The following PATJ variants were observed in gnomAD, a reference collection of about 807,000 sequenced individuals.
PATJ encodes inaD-like protein.
In PATJ, 190 loss-of-function variants were observed where a neutral mutation model predicts 224.9. The observed-to-expected ratio is 0.84, with a 90% CI of 0.75 to 0.95. The LOEUF (loss-of-function observed/expected upper bound fraction) is 0.95, where lower values mean the gene tolerates loss of function less well. PATJ is among the 40% of genes least tolerant of loss of function. PATJ has a pLI of 0.00. For missense variants in PATJ, 2,121 were observed against 2,270.3 expected (o/e 0.93, Z 1.34); for synonymous variants, 769 against 820.3 (o/e 0.94, Z 1.07).
rs1242056680 is a variant in PATJ, at chr1:61,827,547, A to G, written c.1944A>G (p.Glu648=). 2.5e-6 allele frequency: 4 copies of G among 1,613,978 alleles called. No homozygotes were observed. The Admixed American group carries it at 5.0e-5, about 20-fold the overall frequency. ...TTGATGATGAAGCTTCTGTAGATGA[A>G]CCAAGGCGCACTGAAACCTCTCTTC... The part of the protein sequence containing the change: ...RLFDDEASVD[E]PRRTETSLPE... The change falls in exon 16 of 44, where the codon GAA becomes GAG. Residue 648 remains glutamate, a synonymous_variant. Transcript: ENST00000642238.
At chr1:62,157,831 CAAA>C (rs1160300843) in intron 43 of PATJ, among the ~76,000 whole-genome samples, 1 of 59,766 alleles carries the variant, frequency 1.7e-5, no homozygotes. Context: ...ACTCTGTCTC[CAAA>C]AAAAAAAAAA....
At chr1:61,999,171 C>T (rs906281498) in intron 28 of PATJ, among the ~76,000 whole-genome samples, 9 of 152,034 alleles carry the variant, frequency 5.9e-5, no homozygotes, top group Admixed American at 2.6e-4. Flanking sequence ...GTGCCTCTCT[C>T]GACTCTTCTT....
rs74076507 is a variant in PATJ, at chr1:62,050,303, A to T, written c.4033-663A>T. Among the ~76,000 whole-genome samples, 107 of 152,314 alleles carry T rather than the reference A, an allele frequency of 7.0e-4. 1 individual carries two copies. The highest frequency in any genetic ancestry group is 2.4e-3 in the African/African-American group (99 of 41,582). On this transcript the variant is annotated intron_variant, in intron 30 of 43. Transcript: ENST00000642238. ...TTGGGCTGGAGGTAACAGAATGGCT[A>T]ACTCAAACCGGTTGAAGCAAAAGGA...
chr1:61,893,840 G>A (rs529487728), intron 22 of PATJ, among the ~76,000 whole-genome samples: 1 of 150,574 alleles, frequency 6.6e-6, no homozygotes, highest in South Asian at 2.1e-4. Flanking sequence ...GTGTCATGGT[G>A]AAATACCTGC....
In PATJ at chr1:61,796,694, C is replaced by CTT. The variant is rs756553897; in HGVS notation, c.1261-591_1261-590dup. Among the ~76,000 whole-genome samples the CTT allele has an allele frequency of 3.9e-3, 120 of 30,878 alleles. 3 individuals are homozygous for CTT. The highest frequency in any genetic ancestry group is 0.023 in the Middle Eastern group (1 of 44). The allele number at this position is 30,878 out of a possible 152,430, so 20.3% of individuals were successfully genotyped here. On this transcript the variant is annotated intron_variant, in intron 10 of 43. Coordinates refer to ENST00000642238, the MANE Select transcript of PATJ (RefSeq NM_001350145.3). Reference sequence around the variant, plus strand: ...TCTTTCTTTCTTTCTTTCTTTCTTTCTTTCTTTCTTTCTTTCTTTCTTTCT... The same window carrying CTT: ...TCTTTCTTTCTTTCTTTCTTTCTTTCTTTTTCTTTCTTTCTTTCTTTCTTTCT...
intron 29 of PATJ, among the ~76,000 whole-genome samples, chr1:62,025,273 C>T (rs1647635642): frequency 6.6e-6 from 1 of 152,170 alleles, no homozygotes; most frequent in Non-Finnish European, 1.5e-5. Flanking sequence ...CTGAACAAGT[C>T]TCTACTGAGG....
At chr1:61,783,444 A>G (rs79766689) in intron 7 of PATJ, among the ~76,000 whole-genome samples, 1 of 140,308 alleles carries the variant, frequency 7.1e-6, no homozygotes, top group Non-Finnish European at 1.5e-5. Flanking sequence ...TTTTTTTTAA[A>G]TAGAGACAGA....
intron 26 of PATJ, 70 bp from the exon 27 acceptor site, chr1:61,927,660 C>A: frequency 2.1e-6 from 2 of 959,128 alleles, no homozygotes; most frequent in Non-Finnish European, 3.2e-6. Context: ...TCTTTTTATG[C>A]TTTTTGTCAT....
intron 33 of PATJ, among the ~76,000 whole-genome samples, chr1:62,087,418 A>G (rs916343194): frequency 1.3e-5 from 2 of 151,970 alleles, no homozygotes; most frequent in Admixed American, 1.3e-4. Context: ...GGGAAAAGCA[A>G]CATTCGATTG....
At chr1:62,144,041 G>C (rs1667768701) in intron 41 of PATJ, among the ~76,000 whole-genome samples, 1 of 152,188 alleles carries the variant, frequency 6.6e-6, no homozygotes, top group South Asian at 2.1e-4. Context: ...TAACCTTCCA[G>C]TACACTTGCT....
At chr1:62,010,093 AAAAGAAAG>A (rs1229201510) in intron 28 of PATJ, among the ~76,000 whole-genome samples, 3 of 147,920 alleles carry the variant, frequency 2.0e-5, no homozygotes, top group South Asian at 4.2e-4. Flanking sequence ...AAAAAAAAAA[AAAAGAAAG>A]AAAGAAAGAA....
chr1:62,145,762 C>T, intron 41 of PATJ, among the ~76,000 whole-genome samples: 1 of 151,912 alleles, frequency 6.6e-6, no homozygotes, highest in East Asian at 1.9e-4. Context: ...TTGAGACCAG[C>T]CTGGACAACA....
At chr1:61,766,573 G>C (rs1291446651) in intron 4 of PATJ, 100 bp downstream of exon 4, 1 of 775,030 alleles carries the variant, frequency 1.3e-6, no homozygotes, top group African/African-American at 1.8e-5. Context: ...AAATGTATTA[G>C]TATGTATTTT....
chr1:61,842,930 T>C (rs1661353695), intron 17 of PATJ, among the ~76,000 whole-genome samples: 1 of 152,186 alleles, frequency 6.6e-6, no homozygotes, highest in Admixed American at 6.5e-5. Flanking sequence ...TAGCCCTTCC[T>C]AGAGTGTGCC....
At chr1:62,044,821 A>G (rs112694937) in intron 30 of PATJ, among the ~76,000 whole-genome samples, 3 of 152,316 alleles carry the variant, frequency 2.0e-5, no homozygotes, top group African/African-American at 7.2e-5. Flanking sequence ...AGTTTGTCAC[A>G]TGTGGTAAAC....
chr1:62,120,020 C>G (rs1664870101), intron 37 of PATJ, among the ~76,000 whole-genome samples: 1 of 152,172 alleles, frequency 6.6e-6, no homozygotes, highest in African/African-American at 2.4e-5. Context: ...TTATAATATA[C>G]TGTACTTCCT....
intron 27 of PATJ, among the ~76,000 whole-genome samples, chr1:61,945,043 AC>A: frequency 6.6e-6 from 1 of 152,336 alleles, no homozygotes; most frequent in Non-Finnish European, 1.5e-5. Context: ...TTTTGTCACC[AC>A]CAGGCCTGCC....
intron 31 of PATJ, among the ~76,000 whole-genome samples, chr1:62,066,319 C>T (rs540028098): frequency 6.6e-6 from 1 of 151,904 alleles, no homozygotes; most frequent in East Asian, 1.9e-4. Flanking sequence ...GATTTGAATC[C>T]AACTTTAAAT....
chr1:61,797,290 G>A lies in PATJ; in HGVS notation c.1264G>A (p.Asp422Asn), dbSNP rs775027181. ...AATGTTTCTCTTGATGTTTTAGGTC[G>A]ATGGCGTGAACATTCAGGGTTTTGC... ...IQVNDKIVAV[D>N]GVNIQGFANH... is the part of the protein sequence containing the mutation. The change falls in exon 11 of 44, where the codon GAT becomes AAT. Residue 422 changes from aspartate (D) to asparagine (N), a missense_variant. Physicochemically the swap from Asp to Asn is conservative, Grantham distance 23. Coordinates refer to ENST00000642238, the MANE Select transcript of PATJ (RefSeq NM_001350145.3). 2.2e-5 allele frequency: 35 copies of A among 1,610,926 alleles called. No individual in the cohort carries two copies. The Admixed American group carries it at 2.3e-4, about 11-fold the overall frequency.
Sources: allele counts gnomAD v4.1 joint callset (sites outside exome capture counted in the v4.1 genomes callset), GRCh38; gene constraint gnomAD v4.1.1; transcripts MANE v1.5; gene names NCBI Gene and HGNC (gene_info 2026-07-23, HGNC 2026-07-21).